Variants in MYO18A observed in about 807,000 individuals in gnomAD.
MYO18A encodes myosin XVIIIA, also known as unconventional myosin-XVIIIa.
Under a neutral mutation model 235.8 loss-of-function variants are expected in MYO18A, and 78 were observed. That is an observed-to-expected ratio of 0.33 (90% confidence interval 0.28 to 0.40). The LOEUF is 0.40. Among genes scored for constraint, MYO18A ranks in the 10% least tolerant of loss-of-function variants. The pLI, the probability that MYO18A is intolerant of heterozygous loss-of-function variation, is 1.00. For synonymous variants in MYO18A, 977 were observed against 1,077.8 expected (o/e 0.91, Z 1.83); for missense variants, 2,215 against 2,699.3 (o/e 0.82, Z 3.98).
chr17:29,169,059 A>G (rs990631032), intron 1 of MYO18A, among the ~76,000 whole-genome samples: 11 of 152,084 alleles, frequency 7.2e-5, no homozygotes, highest in Admixed American at 5.2e-4. Context: ...AATCCCAGCT[A>G]TTCGGGTGGC....
intron 2 of MYO18A, among the ~76,000 whole-genome samples, chr17:29,157,313 A>T (rs1390144720): frequency 6.6e-6 from 1 of 152,142 alleles, no homozygotes; most frequent in Non-Finnish European, 1.5e-5. Flanking sequence ...AGACACTGAG[A>T]GCAATGGTCA....
intron 2 of MYO18A, chr17:29,133,851 C>T (rs923980682): frequency 7.8e-7 from 1 of 1,289,318 alleles, no homozygotes; most frequent in Non-Finnish European, 1.0e-6. Flanking sequence ...CTGAAGGTAA[C>T]CTGTGCCCTG....
At chr17:29,146,041 T>C (rs2067841264) in intron 2 of MYO18A, among the ~76,000 whole-genome samples, 1 of 152,182 alleles carries the variant, frequency 6.6e-6, no homozygotes, top group Non-Finnish European at 1.5e-5. Context: ...GCGGACCACC[T>C]GAGGTCAGGA....
intron 1 of MYO18A, among the ~76,000 whole-genome samples, chr17:29,175,357 AT>A (rs1246903582): frequency 7.2e-6 from 1 of 138,058 alleles, no homozygotes; most frequent in Non-Finnish European, 1.6e-5. Context: ...TTCTACTTTT[AT>A]TTCATCTTTT....
intron 41 of MYO18A, chr17:29,080,318 T>C (rs2066088116): frequency 4.1e-6 from 4 of 986,014 alleles, no homozygotes; most frequent in Admixed American, 6.1e-5. Context: ...GAGCGGACGC[T>C]GGAGCTGGGA....
At chr17:29,178,828 G>A (rs532867439) in intron 1 of MYO18A, among the ~76,000 whole-genome samples, 8 of 152,346 alleles carry the variant, frequency 5.3e-5, no homozygotes, top group South Asian at 4.1e-4. Context: ...AGGGAAAGGC[G>A]GCTGATTCAA....
At chr17:29,156,355 C>T (rs1456076639) in intron 2 of MYO18A, among the ~76,000 whole-genome samples, 3 of 152,224 alleles carry the variant, frequency 2.0e-5, no homozygotes, top group African/African-American at 4.8e-5. Flanking sequence ...TTCATGTGGG[C>T]TCCTGTGTGG....
chr17:29,155,383 C>G (rs971158614), intron 2 of MYO18A: 9 of 152,518 alleles, frequency 5.9e-5, no homozygotes, highest in Non-Finnish European at 1.3e-4. Context: ...GGGGCAGCCT[C>G]AGTCCTGCTG....
chr17:29,127,710 G>A (rs543157150), intron 2 of MYO18A: 30 of 300,844 alleles, frequency 1.0e-4, no homozygotes, highest in African/African-American at 3.2e-4. Context: ...AGCCCCTGCC[G>A]GCCATCAGCA....
chr17:29,116,319 GC>G (rs1180465307), intron 11 of MYO18A, 124 bp downstream of exon 11: 3 of 1,073,550 alleles, frequency 2.8e-6, no homozygotes, highest in Non-Finnish European at 4.3e-6. Flanking sequence ...CCCACTGATG[GC>G]CCAACAGTGG....
At position 29,109,709 on chromosome 17, in the gene MYO18A, G is replaced by A. The variant is rs964238677; in HGVS notation, c.3331+149C>T. The A allele has an allele frequency of 4.0e-6, 4 of 999,994 alleles. No individual in the cohort carries two copies. The highest frequency in any genetic ancestry group is 5.8e-6 in the Non-Finnish European group (4 of 685,740). The allele number at this position is 999,994 out of a possible 1,614,324, so 61.9% of individuals were successfully genotyped here. On this transcript the variant is annotated intron_variant, in intron 19 of 41. Coordinates refer to ENST00000527372, the MANE Select transcript of MYO18A (RefSeq NM_078471.4). This position sits in a 1 kb window ranked among gnomAD's most constrained non-coding sequence, Gnocchi z 4.1. ...AATGGACAAAGGGGCTGTGGGCTGG[G>A]AGAGATGAGGAGAGACCAGAGCAGA...
In MYO18A at chr17:29,103,661, C is replaced by G. The variant is rs1231527831; in HGVS notation, c.3445G>C (p.Val1149Leu). The G allele has an allele frequency of 1.2e-6, 2 of 1,613,722 alleles. No homozygotes were observed. Among genetic ancestry groups the G allele is most frequent in the Non-Finnish European group, 1.7e-6 (2 of 1,179,876 alleles). The change falls in exon 21 of 42, where the codon GTG becomes CTG. Residue 1149 changes from valine to leucine, a missense_variant. Physicochemically the swap from Val to Leu is conservative, Grantham distance 32. Coordinates refer to ENST00000527372, the MANE Select transcript of MYO18A (RefSeq NM_078471.4). ...TCCAAGCACTCCAGCAGCTCCTCCA[C>G]TGCCTGTGGAGAGAGGCCTCTGTCA... is the stretch of plus-strand genomic sequence containing the variant. ...NYIVVDERRA[V>L]EELLECLDLE...
Position 29,111,733 on chromosome 17 carries a change from C to A in MYO18A, c.2729G>T (p.Gly910Val), listed in dbSNP as rs1207813231. The change falls in exon 16 of 42, where the codon GGT (glycine) becomes GTT (valine). Residue 910 changes from glycine (G) to valine (V), a missense_variant. Transcript: ENST00000527372. This position sits in a 1 kb window ranked among gnomAD's most constrained non-coding sequence, Gnocchi z 5.1. ...RLFSYYGPQEGDKKGQSPLLH... is the reference protein window; with the variant it reads ...RLFSYYGPQEVDKKGQSPLLH... ...GGGATGCCACCTACCTTTTTTGTCA[C>A]CTTCCTGGGGGCCATAATAGGAGAA... 1 of 1,613,290 alleles carries A rather than the reference C, an allele frequency of 6.2e-7. No individual in the cohort carries two copies. The highest frequency in any genetic ancestry group is 1.7e-5 in the Admixed American group (1 of 59,920).
At position 29,114,917 on chromosome 17, in the gene MYO18A, C is replaced by T. The variant is rs775833974; in HGVS notation, c.2501G>A (p.Arg834Lys). The T allele has an allele frequency of 6.2e-7, 1 of 1,613,512 alleles. No individual in the cohort carries two copies. Among genetic ancestry groups the T allele is most frequent in the Non-Finnish European group, 8.5e-7 (1 of 1,179,602 alleles). Residue 834 changes from arginine (R) to lysine (K), a missense_variant, in exon 14 of 42, where the codon AGA (arginine) becomes AAA (lysine). Transcript: ENST00000527372. ...HERTFVQELE[R>K]YKEENIELAF... ...AGGCCCCAGAGCTACCTCCTTGTAT[C>T]TTTCCAACTCCTGCACGAAGGTGCG... is the stretch of plus-strand genomic sequence containing the variant.
chr17:29,174,381 C>A (rs556629479), intron 1 of MYO18A, among the ~76,000 whole-genome samples: 41 of 152,178 alleles, frequency 2.7e-4, no homozygotes, highest in African/African-American at 9.6e-4. Context: ...GTGGTGCACA[C>A]CTGTGATACC....
At chr17:29,113,741 C>T (rs910740424) in intron 15 of MYO18A, among the ~76,000 whole-genome samples, 8 of 152,330 alleles carry the variant, frequency 5.3e-5, no homozygotes, top group Admixed American at 3.3e-4. Context: ...AGGAGATATG[C>T]TTTCCTGCCT....
chr17:29,156,782 C>T lies in MYO18A; in HGVS notation c.999+9160G>A, dbSNP rs538961147. ...TTGCCAGGTGGGGACCTGACATGGT[C>T]TGGGAGGATCAGGGACAAGTGATAT... is the stretch of plus-strand genomic sequence containing the variant. On this transcript the variant is annotated intron_variant, in intron 2 of 41. Coordinates refer to ENST00000527372, the MANE Select transcript of MYO18A (RefSeq NM_078471.4). Among the ~76,000 whole-genome samples the T allele has an allele frequency of 1.8e-4, 28 of 152,290 alleles. 1 individual carries two copies. Among genetic ancestry groups the T allele is most frequent in the African/African-American group, 6.7e-4 (28 of 41,556 alleles).
At chr17:29,148,793 G>C (rs1397576847) in intron 2 of MYO18A, among the ~76,000 whole-genome samples, 1 of 152,156 alleles carries the variant, frequency 6.6e-6, no homozygotes, top group African/African-American at 2.4e-5. Flanking sequence ...GAGAAGGAGG[G>C]CTGAGAGGAA....
chr17:29,124,118 C>T lies in MYO18A; in HGVS notation c.1000-1865G>A, dbSNP rs115629440. ...TCAAATCACATAAGACAGGGGAGACCTTTATGTTGAATAGACACCTTCTAT... is the reference window on the plus strand; with the variant it reads ...TCAAATCACATAAGACAGGGGAGACTTTTATGTTGAATAGACACCTTCTAT... On this transcript the variant is annotated intron_variant, in intron 2 of 41. Transcript: ENST00000527372. Among the ~76,000 whole-genome samples, 391 of 152,094 alleles carry T rather than the reference C, an allele frequency of 2.6e-3. 4 individuals carry two copies. The highest frequency in any genetic ancestry group is 9.1e-3 in the African/African-American group (376 of 41,474).
Sources: allele counts gnomAD v4.1 joint callset (sites outside exome capture counted in the v4.1 genomes callset), GRCh38; gene constraint gnomAD v4.1.1; non-coding constraint Gnocchi (gnomAD v3.1); transcripts MANE v1.5; gene names NCBI Gene and HGNC (gene_info 2026-07-23, HGNC 2026-07-21).